GPALPP1: variants seen among roughly 807,000 people sequenced by gnomAD.
The protein encoded by GPALPP1 is GPALPP motifs-containing protein 1.
A neutral mutation model predicts 38.9 loss-of-function variants in GPALPP1; 30 were observed. That is an observed-to-expected ratio of 0.77 (90% CI 0.58 to 1.05). The LOEUF (loss-of-function observed/expected upper bound fraction) is 1.05. GPALPP1 is among the 50% of genes least tolerant of loss of function. The pLI is 0.00. For missense variants in GPALPP1, 384 were observed against 408.8 expected (o/e 0.94, Z 0.52); for synonymous variants, 120 against 139.2 (o/e 0.86, Z 0.97).
chr13:45,012,497 A>C lies in GPALPP1; in HGVS notation c.409-2455A>C, dbSNP rs139242954. On this transcript the variant is annotated intron_variant, in intron 4 of 7. Coordinates refer to ENST00000379151, the MANE Select transcript of GPALPP1 (RefSeq NM_018559.5). ...ATCTTAGCACTTTTATATAGGTTCA[A>C]AATTTTTCAAAATAAAAAATTGGGG... 1.7e-3 allele frequency among the ~76,000 whole-genome samples: 262 copies of C among 152,298 alleles called. 2 individuals are homozygous for C. The highest frequency in any genetic ancestry group is 5.9e-3 in the African/African-American group (244 of 41,552).
intron 7 of GPALPP1, among the ~76,000 whole-genome samples, chr13:45,024,607 G>T (rs551373961): frequency 6.6e-6 from 1 of 150,614 alleles, no homozygotes; most frequent in African/African-American, 2.4e-5. Flanking sequence ...CCCTAAAACT[G>T]TGTATTTTTA....
intron 1 of GPALPP1, among the ~76,000 whole-genome samples, chr13:45,000,833 G>C (rs1873620298): frequency 6.6e-6 from 1 of 152,146 alleles, no homozygotes; most frequent in Non-Finnish European, 1.5e-5. Context: ...TTGGAGATAG[G>C]AATCCCATCC....
intron 7 of GPALPP1, among the ~76,000 whole-genome samples, chr13:45,022,473 G>T (rs989168933): frequency 6.6e-6 from 1 of 151,932 alleles, no homozygotes; most frequent in Admixed American, 6.6e-5. Flanking sequence ...GCATGCTTAG[G>T]TATTTAGGGG....
At chr13:45,033,838 ATGTTCT>A (rs1876314525), downstream of GPALPP1, 1 of 152,206 alleles carries the variant, frequency 6.6e-6, no homozygotes, top group Admixed American at 6.5e-5. Flanking sequence ...CAAACTGGAA[ATGTTCT>A]TGAGAGCACT....
chr13:45,016,230 G>A (rs968049786), intron 6 of GPALPP1, among the ~76,000 whole-genome samples: 13 of 152,126 alleles, frequency 8.5e-5, no homozygotes, highest in Non-Finnish European at 1.5e-5. Flanking sequence ...AGGCAGGGCG[G>A]ATCACCTGAA....
chr13:44,999,581 ATTC>A (rs770128530), intron 1 of GPALPP1, among the ~76,000 whole-genome samples: 1 of 152,028 alleles, frequency 6.6e-6, no homozygotes, highest in Admixed American at 6.6e-5. Context: ...CACTTTTAAT[ATTC>A]TTCTCTTTTT....
intron 7 of GPALPP1, among the ~76,000 whole-genome samples, chr13:45,024,105 C>A (rs147237014): frequency 2.1e-4 from 32 of 151,162 alleles, no homozygotes; most frequent in African/African-American, 7.6e-4. Flanking sequence ...GTGCTGGAGA[C>A]CAGCAATCTT....
rs956154506 is a variant in GPALPP1 at position 45,035,462 on chromosome 13, A to G, written c.*2227A>G. 2.6e-5 allele frequency: 4 copies of G among 152,378 alleles called. No individual in the cohort carries two copies. The South Asian group carries it at 8.3e-4, about 32-fold the overall frequency. The allele number at this position is 152,378 out of a possible 1,614,324, so 9.4% of individuals were successfully genotyped here. A position where few individuals can be genotyped will look rare whatever the true frequency, so the allele number is the denominator to read the frequency against. The stretch of plus-strand genomic sequence containing the variant: ...ATCAGAACATTAATACATTGATCTG[A>G]ACATTGAGCCTATACTTTATCATCA... On this transcript the variant is annotated 3_prime_UTR_variant, in exon 8 of 8. Coordinates refer to the GPALPP1 transcript ENST00000357537.
chr13:45,023,777 G>A (rs555161668), intron 7 of GPALPP1, among the ~76,000 whole-genome samples: 2 of 152,294 alleles, frequency 1.3e-5, no homozygotes, highest in South Asian at 4.1e-4. Flanking sequence ...AGGGAAGGGA[G>A]GAGAAATATG....
At chr13:44,994,554 C>G (rs765127047) in intron 1 of GPALPP1, among the ~76,000 whole-genome samples, 64 of 152,284 alleles carry the variant, frequency 4.2e-4, no homozygotes, top group Admixed American at 1.6e-3. Flanking sequence ...ACCTTGAAGT[C>G]TTCATACATG....
At chr13:45,002,357 T>C (rs1873753643) in intron 1 of GPALPP1, 1 of 152,196 alleles carries the variant, frequency 6.6e-6, no homozygotes, top group African/African-American at 2.4e-5. Flanking sequence ...AAACAAAGCA[T>C]GTGAAAACTC....
At chr13:45,002,007 T>C (rs1223698359) in intron 1 of GPALPP1, 3 of 152,466 alleles carry the variant, frequency 2.0e-5, no homozygotes, top group African/African-American at 7.2e-5. Context: ...AGCTTTCTAA[T>C]GCATATCCCC....
intron 2 of GPALPP1, chr13:45,005,086 C>CTTTTTTTTTTTTTTTTTTT (rs71759613): frequency 3.5e-5 from 2 of 57,480 alleles, no homozygotes; most frequent in African/African-American, 6.4e-5. Flanking sequence ...TAATGGTTTT[C>CTTTTTTTTTTTTTTTTTTT]TTTTTTTTTT....
intron 1 of GPALPP1, 91 bp from the exon 2 acceptor site, chr13:45,004,214 T>C (rs1873904300): frequency 3.0e-6 from 3 of 1,011,806 alleles, no homozygotes; most frequent in Non-Finnish European, 3.0e-6. Context: ...GCCAGTGCTG[T>C]TTATTTCAGA....
At chr13:45,014,917 G>T (rs377666151) in intron 4 of GPALPP1, 35 bp from the exon 5 acceptor site, 68 of 1,498,814 alleles carry the variant, frequency 4.5e-5, no homozygotes, top group Non-Finnish European at 5.4e-5. Flanking sequence ...CTGTAGCTCT[G>T]CTCTTGGTTT....
chr13:45,023,662 T>C (rs1875575248), intron 7 of GPALPP1, among the ~76,000 whole-genome samples: 2 of 152,228 alleles, frequency 1.3e-5, no homozygotes, highest in African/African-American at 2.4e-5. Context: ...GTCTTTGTTA[T>C]ATATTTAGGC....
chr13:45,019,083 ATATATG>A (rs1875174601), intron 6 of GPALPP1, among the ~76,000 whole-genome samples: 2 of 118,572 alleles, frequency 1.7e-5, no homozygotes, highest in African/African-American at 3.4e-5. Context: ...ATACATATAA[ATATATG>A]TATATATATT....
At chr13:45,000,817 C>T (rs1049188620) in intron 1 of GPALPP1, among the ~76,000 whole-genome samples, 21 of 152,176 alleles carry the variant, frequency 1.4e-4, no homozygotes, top group Non-Finnish European at 2.8e-4. Flanking sequence ...AAACCCTAAA[C>T]AGCAGTTGGA....
At chr13:45,021,365 C>A (rs1387502460) in intron 7 of GPALPP1, among the ~76,000 whole-genome samples, 1 of 152,096 alleles carries the variant, frequency 6.6e-6, no homozygotes, top group African/African-American at 2.4e-5. Context: ...AAAACGTAGC[C>A]ACTTGAAGTA....
Sources: allele counts gnomAD v4.1 joint callset (sites outside exome capture counted in the v4.1 genomes callset), GRCh38; gene constraint gnomAD v4.1.1; transcripts MANE v1.5; gene names NCBI Gene and HGNC (gene_info 2026-07-23, HGNC 2026-07-21).